COMMD7: variants seen among roughly 807,000 people sequenced by gnomAD.
The protein encoded by COMMD7 is COMM domain-containing protein 7.
In COMMD7, 28 loss-of-function variants were observed where a neutral mutation model predicts 34.8. The ratio of observed to expected loss-of-function variants is 0.80; its 90% CI spans 0.60 to 1.10. The LOEUF (loss-of-function observed/expected upper bound fraction) is 1.10. Ranked by LOEUF, COMMD7 falls within the 50% of genes least tolerant of loss-of-function variation. The pLI, the probability that COMMD7 is intolerant of heterozygous loss-of-function variation, is 0.00. For synonymous variants in COMMD7, 80 were observed against 86.4 expected, an observed-to-expected ratio of 0.93 and a Z score of 0.41; for missense variants, 211 against 241.6, an observed-to-expected ratio of 0.87 and a Z score of 0.84.
At chr20:32,743,237 T>TGGG in intron 1 of COMMD7, 71 bp downstream of exon 1, 1 of 526,960 alleles carries the variant, frequency 1.9e-6, no homozygotes, top group East Asian at 5.2e-5. Context: ...CCCCCGGACG[T>TGGG]CCCCCCCACC....
chr20:32,730,679 AT>A (rs1303028912), intron 1 of COMMD7, among the ~76,000 whole-genome samples: 1 of 152,152 alleles, frequency 6.6e-6, no homozygotes, highest in Non-Finnish European at 1.5e-5. Flanking sequence ...ACTCTTGTGA[AT>A]TTGGTCAAGC....
chr20:32,720,701 G>A lies in COMMD7; in HGVS notation c.241+7192C>T, dbSNP rs553827206. Among the ~76,000 whole-genome samples the A allele has an allele frequency of 2.5e-4, 38 of 152,264 alleles. No individual in the cohort carries two copies. The East Asian group carries it at 7.1e-3, about 29-fold the overall frequency. ...GTGCACCGTAGTCCCAGCTACTCAGGAGGCTGAAGCAGAAGAATCACTTAA... is the reference window on the plus strand; with the variant it reads ...GTGCACCGTAGTCCCAGCTACTCAGAAGGCTGAAGCAGAAGAATCACTTAA... On this transcript the variant is annotated intron_variant, in intron 3 of 8. Coordinates refer to ENST00000278980, the MANE Select transcript of COMMD7 (RefSeq NM_053041.3).
At chr20:32,716,414 G>C (rs913772662) in intron 3 of COMMD7, among the ~76,000 whole-genome samples, 7 of 152,068 alleles carry the variant, frequency 4.6e-5, no homozygotes, top group Non-Finnish European at 1.0e-4. Context: ...AGGAGATCTA[G>C]ACCATCCTGG....
intron 3 of COMMD7, among the ~76,000 whole-genome samples, chr20:32,722,174 G>A (rs1480068841): frequency 1.4e-5 from 2 of 147,534 alleles, no homozygotes; most frequent in African/African-American, 2.5e-5. Flanking sequence ...GAACCTTGTC[G>A]ACGGAATTTG....
chr20:32,726,737 C>G (rs1011781199), intron 3 of COMMD7, among the ~76,000 whole-genome samples: 2 of 152,018 alleles, frequency 1.3e-5, no homozygotes, highest in Non-Finnish European at 2.9e-5. Context: ...CCCTCAAATT[C>G]TTATCAAGTC....
intron 1 of COMMD7, among the ~76,000 whole-genome samples, chr20:32,735,270 A>G (rs1472090437): frequency 6.6e-6 from 1 of 151,798 alleles, no homozygotes; most frequent in Admixed American, 6.6e-5. Context: ...ACTCATATAT[A>G]TGCTGGCAAA....
At chr20:32,712,293 A>AAAAAAAAAG (rs1555823349) in intron 3 of COMMD7, among the ~76,000 whole-genome samples, 1 of 146,930 alleles carries the variant, frequency 6.8e-6, no homozygotes, top group African/African-American at 2.5e-5. Context: ...AAAAAAAAAA[A>AAAAAAAAAG]AGAGAGAGAT....
chr20:32,726,763 G>T (rs1210296750), intron 3 of COMMD7, among the ~76,000 whole-genome samples: 4 of 152,042 alleles, frequency 2.6e-5, no homozygotes, highest in Admixed American at 6.6e-5. Context: ...AGCAAAGAAG[G>T]CAAGAATCAC....
chr20:32,743,278 C>A, intron 1 of COMMD7, 30 bp downstream of exon 1: 1 of 1,493,510 alleles, frequency 6.7e-7, no homozygotes, highest in Non-Finnish European at 8.9e-7. Flanking sequence ...CACCTGGGCC[C>A]CGCGCCCCAC....
In COMMD7 at chr20:32,706,772, G is replaced by C; in HGVS notation, c.242-12C>G. The C allele has an allele frequency of 6.2e-7, 1 of 1,612,410 alleles. No individual in the cohort carries two copies. The highest frequency in any genetic ancestry group is 2.2e-5 in the East Asian group (1 of 44,778). On this transcript the variant is annotated splice_polypyrimidine_tract_variant and intron_variant, in intron 3 of 8. Transcript: ENST00000278980. ...CTTCTTCAAAGCACCTGGGAGGCAGGGGAGAAATCAGTTAGAAAGGCAGAC... is the reference window on the plus strand; with the variant it reads ...CTTCTTCAAAGCACCTGGGAGGCAGCGGAGAAATCAGTTAGAAAGGCAGAC...
chr20:32,703,488 A>C (rs1983869916), intron 8 of COMMD7, 30 bp from the exon 9 acceptor site: 2 of 1,605,548 alleles, frequency 1.2e-6, no homozygotes, highest in African/African-American at 1.3e-5. Flanking sequence ...CTTCAGATAA[A>C]TGTTTCCAAC....
chr20:32,732,376 C>A (rs1337507040), intron 1 of COMMD7, among the ~76,000 whole-genome samples: 34 of 152,172 alleles, frequency 2.2e-4, no homozygotes, highest in Admixed American at 2.2e-3. Flanking sequence ...TAGGTTTGAC[C>A]AACCACACCC....
In COMMD7 at chr20:32,704,878, A is replaced by C. The variant is rs759431851; in HGVS notation, c.363T>G (p.Ala121=). 1.2e-6 allele frequency: 2 copies of C among 1,614,108 alleles called. No homozygotes were observed. Among genetic ancestry groups the C allele is most frequent in the East Asian group, 4.5e-5 (2 of 44,882 alleles). The change falls in exon 6 of 9, where the codon GCT becomes GCG. Residue 121 remains alanine, a synonymous_variant. Coordinates refer to ENST00000278980, the MANE Select transcript of COMMD7 (RefSeq NM_053041.3). ...TCAGAGTCTGACCTATGGCCCATCG[A>C]GCAAGGGTGGGAGCATTCTGCTTCC... ...EKWKQNAPTL[A]RWAIGQTLMI...
Position 32,704,839 on chromosome 20 carries a change from G to A in COMMD7, c.402C>T (p.Leu134=), listed in dbSNP as rs779137694. The A allele has an allele frequency of 2.0e-5, 32 of 1,613,764 alleles. No homozygotes were observed. Among genetic ancestry groups the A allele is most frequent in the Non-Finnish European group, 2.5e-5 (29 of 1,179,842 alleles). Residue 134 remains leucine, a synonymous_variant, in exon 6 of 9, where the codon CTC becomes CTT. Coordinates refer to ENST00000278980, the MANE Select transcript of COMMD7 (RefSeq NM_053041.3). Reference sequence around the variant, plus strand: ...CTCCAAATTTCCACTCCATATCTATGAGCTGGTTAATCATCAGAGTCTGAC... The same window carrying A: ...CTCCAAATTTCCACTCCATATCTATAAGCTGGTTAATCATCAGAGTCTGAC... ...AIGQTLMINQ[L]IDMEWKFGVT... is the part of the protein sequence containing the mutation.
At chr20:32,727,438 G>T (rs1212746141) in intron 3 of COMMD7, among the ~76,000 whole-genome samples, 1 of 150,192 alleles carries the variant, frequency 6.7e-6, no homozygotes, top group Admixed American at 6.7e-5. Context: ...TCGGGAAGCT[G>T]AGTAGGAGAA....
intron 3 of COMMD7, among the ~76,000 whole-genome samples, chr20:32,720,696 C>T (rs1985099097): frequency 6.6e-6 from 1 of 152,142 alleles, no homozygotes; most frequent in Non-Finnish European, 1.5e-5. Context: ...GTCCCAGCTA[C>T]TCAGGAGGCT....
chr20:32,736,409 A>C (rs1306687391), intron 1 of COMMD7, among the ~76,000 whole-genome samples: 1 of 152,168 alleles, frequency 6.6e-6, no homozygotes, highest in East Asian at 1.9e-4. Flanking sequence ...GGTGGCTCAC[A>C]CCTGTAATCC....
intron 1 of COMMD7, among the ~76,000 whole-genome samples, chr20:32,732,327 G>GCAAT (rs554355362): frequency 6.4e-4 from 98 of 152,232 alleles, no homozygotes; most frequent in African/African-American, 2.3e-3. Flanking sequence ...CTGGGCTCAA[G>GCAAT]CAATCCTCCT....
chr20:32,725,037 G>T (rs1195018551), intron 3 of COMMD7, among the ~76,000 whole-genome samples: 1 of 151,656 alleles, frequency 6.6e-6, no homozygotes, highest in Non-Finnish European at 1.5e-5. Flanking sequence ...ACTCACATTT[G>T]TGAGTAAGAA....
Sources: allele counts gnomAD v4.1 joint callset (sites outside exome capture counted in the v4.1 genomes callset), GRCh38; gene constraint gnomAD v4.1.1; transcripts MANE v1.5; gene names NCBI Gene and HGNC (gene_info 2026-07-23, HGNC 2026-07-21).